CSMD1: variants seen among roughly 807,000 people sequenced by gnomAD.
The protein encoded by CSMD1 is CUB and Sushi multiple domains 1.
CSMD1 carries 213 observed loss-of-function variants against 417.5 expected under a neutral mutation model. That is an observed-to-expected ratio of 0.51 (90% CI 0.46 to 0.57). The LOEUF (loss-of-function observed/expected upper bound fraction) is 0.57. CSMD1 is among the 20% of genes least tolerant of loss of function. CSMD1 has a pLI of 0.00. For synonymous variants in CSMD1, 2,862 were observed against 1,736.8 expected (o/e 1.65, Z -16.11); for missense variants, 6,923 against 4,529.7 (o/e 1.53, Z -15.17).
At chr8:4,793,095 A>G (rs1317703805) in intron 1 of CSMD1, among the ~76,000 whole-genome samples, 3 of 152,114 alleles carry the variant, frequency 2.0e-5, no homozygotes, top group Admixed American at 1.3e-4. Context: ...ACTGTCATAT[A>G]CAATTTTTTC....
intron 5 of CSMD1, among the ~76,000 whole-genome samples, chr8:3,778,083 G>C (rs1232356451): frequency 6.6e-6 from 1 of 152,220 alleles, no homozygotes; most frequent in Non-Finnish European, 1.5e-5. Context: ...ACTGGAGTTT[G>C]AGAGCTGCTG....
chr8:3,251,649 T>C (rs1465943091), intron 26 of CSMD1, among the ~76,000 whole-genome samples: 3 of 152,206 alleles, frequency 2.0e-5, no homozygotes, highest in East Asian at 1.9e-4. Context: ...ATCAATTACC[T>C]TGGGCAGCAT....
At chr8:3,398,803 A>G (rs1439299937) in intron 16 of CSMD1, among the ~76,000 whole-genome samples, 1 of 152,166 alleles carries the variant, frequency 6.6e-6, no homozygotes, top group Non-Finnish European at 1.5e-5. Context: ...TAGCCTGCTT[A>G]TTTTTTAATA....
chr8:3,397,118 T>G lies in CSMD1; in HGVS notation c.2406-737A>C, dbSNP rs13248356. 1.4e-3 allele frequency among the ~76,000 whole-genome samples: 217 copies of G among 152,154 alleles called. 2 individuals are homozygous for G. Among genetic ancestry groups the G allele is most frequent in the Non-Finnish European group, 2.6e-3 (180 of 68,008 alleles). On this transcript the variant is annotated intron_variant, in intron 16 of 69. Coordinates refer to ENST00000635120, the MANE Select transcript of CSMD1 (RefSeq NM_033225.6). ...CCCTGTGATGCAATGTAGGTACCACTCCAGGCACGGAGATAATTTTCTAAG... is the reference window on the plus strand; with the variant it reads ...CCCTGTGATGCAATGTAGGTACCACGCCAGGCACGGAGATAATTTTCTAAG...
chr8:2,962,679 C>T (rs1374484112), intron 60 of CSMD1, 40 bp from the exon 61 acceptor site: 1 of 1,587,732 alleles, frequency 6.3e-7, no homozygotes, highest in South Asian at 1.1e-5. Flanking sequence ...CTTCAACGTC[C>T]CTGGATCAGC....
At chr8:3,874,520 G>T (rs1008118489) in intron 5 of CSMD1, among the ~76,000 whole-genome samples, 2 of 152,194 alleles carry the variant, frequency 1.3e-5, no homozygotes, top group African/African-American at 2.4e-5. Flanking sequence ...CATGCTGTCG[G>T]CGTTCATTGA....
At position 2,978,774 on chromosome 8, in the gene CSMD1, C is replaced by G; in HGVS notation, c.8404G>C (p.Val2802Leu). 1.2e-6 allele frequency: 2 copies of G among 1,613,266 alleles called. No individual in the cohort carries two copies. The highest frequency in any genetic ancestry group is 1.7e-6 in the Non-Finnish European group (2 of 1,179,584). The change falls in exon 55 of 70, where the codon GTG (valine) becomes CTG (leucine). Residue 2802 changes from valine (V) to leucine (L), a missense_variant. By Grantham distance (32) the Val-to-Leu change is conservative. Coordinates refer to ENST00000635120, the MANE Select transcript of CSMD1 (RefSeq NM_033225.6). ...RVVNCSDPGF[V>L]ENAIRHGQQN... Reference sequence around the variant, plus strand: ...TGCCCGTGACGAATGGCATTTTCCACAAAGCCTGGATCAGAACAGTTCACC... The same window carrying G: ...TGCCCGTGACGAATGGCATTTTCCAGAAAGCCTGGATCAGAACAGTTCACC...
At chr8:4,537,473 C>T (rs1797157097) in intron 2 of CSMD1, among the ~76,000 whole-genome samples, 1 of 152,058 alleles carries the variant, frequency 6.6e-6, no homozygotes, top group Non-Finnish European at 1.5e-5. Context: ...TGCTATAAGG[C>T]TAATAGTCAT....
At chr8:4,654,002 A>G (rs1804071826) in intron 1 of CSMD1, among the ~76,000 whole-genome samples, 1 of 152,150 alleles carries the variant, frequency 6.6e-6, no homozygotes, top group South Asian at 2.1e-4. Flanking sequence ...TCAAATATAA[A>G]GGTTGGTTGT....
intron 15 of CSMD1, among the ~76,000 whole-genome samples, chr8:3,401,115 C>G (rs1812014184): frequency 6.6e-6 from 1 of 151,612 alleles, no homozygotes; most frequent in Non-Finnish European, 1.5e-5. Flanking sequence ...ACAACATAAG[C>G]AAAATTAAAT....
intron 3 of CSMD1, among the ~76,000 whole-genome samples, chr8:4,149,370 A>G (rs1174594867): frequency 6.6e-6 from 1 of 152,240 alleles, no homozygotes; most frequent in Non-Finnish European, 1.5e-5. Context: ...ACACTTTGGT[A>G]TAATAAAACC....
chr8:4,431,733 T>C (rs1040985453), intron 2 of CSMD1, among the ~76,000 whole-genome samples: 1 of 152,218 alleles, frequency 6.6e-6, no homozygotes, highest in Non-Finnish European at 1.5e-5. Context: ...AATCAATTGT[T>C]GTTCTAACAA....
At chr8:4,025,914 G>C (rs933432650) in intron 4 of CSMD1, among the ~76,000 whole-genome samples, 1 of 151,748 alleles carries the variant, frequency 6.6e-6, no homozygotes. Context: ...TCATTATTCA[G>C]GGAAAATATT....
At chr8:3,475,611 G>A (rs1320500337) in intron 11 of CSMD1, among the ~76,000 whole-genome samples, 2 of 152,086 alleles carry the variant, frequency 1.3e-5, no homozygotes, top group African/African-American at 4.8e-5. Flanking sequence ...CAACCTGAAG[G>A]AACTCTTCAG....
chr8:4,087,907 G>A (rs1358463903), intron 3 of CSMD1, among the ~76,000 whole-genome samples: 2 of 152,226 alleles, frequency 1.3e-5, no homozygotes, highest in East Asian at 3.9e-4. Flanking sequence ...TAGAAAAAAG[G>A]ATGCCTGAGG....
chr8:3,206,705 T>C, intron 30 of CSMD1, among the ~76,000 whole-genome samples: 1 of 151,674 alleles, frequency 6.6e-6, no homozygotes, highest in East Asian at 1.9e-4. Context: ...TGGGGGGTTA[T>C]GTCTGTGTGA....
chr8:3,815,403 A>G (rs1246186744), intron 5 of CSMD1, among the ~76,000 whole-genome samples: 2 of 152,206 alleles, frequency 1.3e-5, no homozygotes, highest in East Asian at 3.9e-4. Context: ...TCTGGAATGA[A>G]TTGAGATTAA....
At chr8:4,876,444 C>T (rs902636224) in intron 1 of CSMD1, among the ~76,000 whole-genome samples, 2 of 152,118 alleles carry the variant, frequency 1.3e-5, no homozygotes, top group African/African-American at 2.4e-5. Context: ...TTACTTCATA[C>T]ATACTAAGAA....
At chr8:3,128,975 A>ACT (rs979336307) in intron 41 of CSMD1, 4 of 418,038 alleles carry the variant, frequency 9.6e-6, no homozygotes, top group African/African-American at 8.3e-5. Flanking sequence ...GACAAACAAT[A>ACT]CTAGCATGGA....
Sources: allele counts gnomAD v4.1 joint callset (sites outside exome capture counted in the v4.1 genomes callset), GRCh38; gene constraint gnomAD v4.1.1; transcripts MANE v1.5; gene names NCBI Gene and HGNC (gene_info 2026-07-23, HGNC 2026-07-21).